PLCB4: variants seen among roughly 807,000 people sequenced by gnomAD.
PLCB4 encodes the protein phospholipase C beta 4.
A neutral mutation model predicts 178.8 loss-of-function variants in PLCB4; 77 were observed. The ratio of observed to expected loss-of-function variants is 0.43; its 90% confidence interval spans 0.36 to 0.52. The LOEUF is 0.52. Ranked by LOEUF, PLCB4 falls within the 20% of genes least tolerant of loss-of-function variation. PLCB4 has a pLI of 0.00. For synonymous variants in PLCB4, 496 were observed against 490.8 expected (o/e 1.01, Z -0.14); for missense variants, 1,024 against 1,453.4 (o/e 0.70, Z 4.80).
At chr20:9,438,539 A>AT (rs2041921699) in intron 30 of PLCB4, among the ~76,000 whole-genome samples, 1 of 152,090 alleles carries the variant, frequency 6.6e-6, no homozygotes, top group African/African-American at 2.4e-5. Flanking sequence ...AAGGAAGATG[A>AT]TTTTGGTTCT....
intron 3 of PLCB4, among the ~76,000 whole-genome samples, chr20:9,255,564 C>A (rs1292034108): frequency 6.8e-6 from 1 of 146,652 alleles, no homozygotes; most frequent in Non-Finnish European, 1.5e-5. Flanking sequence ...AATTTAATGG[C>A]AAAATCATGC....
chr20:9,439,863 G>A (rs1481446103), intron 30 of PLCB4, among the ~76,000 whole-genome samples: 1 of 152,226 alleles, frequency 6.6e-6, no homozygotes, highest in Non-Finnish European at 1.5e-5. Flanking sequence ...GTTGGCTATT[G>A]ATGTGTAACA....
At chr20:9,191,089 G>A (rs4816126) in intron 2 of PLCB4, among the ~76,000 whole-genome samples, 72,062 of 152,052 alleles carry the variant, frequency 0.47, 17,671 homozygotes, top group African/African-American at 0.61. Context: ...ACATTTCAAA[G>A]CAGAGACAGT....
chr20:9,456,470 G>C (rs2043063377), intron 33 of PLCB4, among the ~76,000 whole-genome samples: 1 of 152,204 alleles, frequency 6.6e-6, no homozygotes, highest in African/African-American at 2.4e-5. Context: ...CGAATATAAA[G>C]AAGGTTGATG....
At chr20:9,378,899 C>G (rs547063688) in intron 12 of PLCB4, among the ~76,000 whole-genome samples, 1 of 152,178 alleles carries the variant, frequency 6.6e-6, no homozygotes, top group East Asian at 1.9e-4. Context: ...TTTTCCAATG[C>G]CCATTCCAAA....
intron 1 of PLCB4, among the ~76,000 whole-genome samples, chr20:9,079,862 A>T (rs541474343): frequency 6.6e-6 from 1 of 152,152 alleles, no homozygotes; most frequent in East Asian, 1.9e-4. Context: ...GGAAGGGATT[A>T]TGCTTTATGC....
At chr20:9,074,807 TAAACAAAACAAAACAAAACAAAA>T (rs1156971177) in intron 1 of PLCB4, among the ~76,000 whole-genome samples, 5 of 123,440 alleles carry the variant, frequency 4.1e-5, no homozygotes, top group African/African-American at 6.5e-5. Context: ...TTTTTTTTTT[TAAACAAAACAAAACAAAACAAAA>T]CAAAACAAAA....
Position 9,459,915 on chromosome 20 carries a change from A to G in PLCB4, c.3248+105A>G, listed in dbSNP as rs2043286962. On this transcript the variant is annotated intron_variant, in intron 35 of 39. Coordinates refer to ENST00000378473, the MANE Select transcript of PLCB4 (RefSeq NM_001377142.1). The stretch of plus-strand genomic sequence containing the variant: ...GTAATAAGTGAAATCAATTTGACGT[A>G]CAACATGTAGCTCTTTTGTGTATCT... 4.3e-6 allele frequency: 3 copies of G among 696,950 alleles called. No homozygotes were observed. The Admixed American group carries it at 7.9e-5, about 18-fold the overall frequency. The allele number at this position is 696,950 out of a possible 1,614,324, so 43.2% of individuals were successfully genotyped here.
chr20:9,180,429 C>T (rs1377040727), intron 2 of PLCB4, among the ~76,000 whole-genome samples: 1 of 152,138 alleles, frequency 6.6e-6, no homozygotes, highest in African/African-American at 2.4e-5. Context: ...CTGAATTCTG[C>T]AAATTGGGGC....
At chr20:9,202,851 A>G (rs578023019) in intron 2 of PLCB4, among the ~76,000 whole-genome samples, 1 of 152,070 alleles carries the variant, frequency 6.6e-6, no homozygotes, top group East Asian at 1.9e-4. Flanking sequence ...TGTTTTCAAT[A>G]TGGTACCTGT....
At chr20:9,096,370 A>G (rs1357135691) in intron 2 of PLCB4, 28 bp downstream of exon 2, 3 of 152,164 alleles carry the variant, frequency 2.0e-5, no homozygotes, top group African/African-American at 7.2e-5. Flanking sequence ...TTAATTTGTG[A>G]CTAAAAAAAT....
intron 3 of PLCB4, among the ~76,000 whole-genome samples, chr20:9,265,519 C>T (rs565157961): frequency 1.3e-5 from 2 of 151,998 alleles, no homozygotes; most frequent in East Asian, 1.9e-4. Flanking sequence ...AACAAGCAAC[C>T]GATGACCAGC....
intron 4 of PLCB4, among the ~76,000 whole-genome samples, chr20:9,319,856 T>G (rs1047789882): frequency 1.2e-4 from 18 of 152,108 alleles, no homozygotes; most frequent in African/African-American, 4.1e-4. Context: ...CTTAGCCCAG[T>G]CAAGTTGACA....
chr20:9,144,701 G>A (rs28754416), intron 2 of PLCB4, among the ~76,000 whole-genome samples: 34 of 78,914 alleles, frequency 4.3e-4, no homozygotes, highest in African/African-American at 1.7e-3. Flanking sequence ...GGAGGGGAAG[G>A]AGGGGAAGAA....
At chr20:9,357,133 T>C (rs775396025) in intron 7 of PLCB4, among the ~76,000 whole-genome samples, 1 of 152,086 alleles carries the variant, frequency 6.6e-6, no homozygotes, top group Non-Finnish European at 1.5e-5. Flanking sequence ...AATAGAAAAG[T>C]AAAACAAGAA....
At position 9,114,320 on chromosome 20, in the gene PLCB4, A is replaced by G. The variant is rs6056407; in HGVS notation, c.-79+17978A>G. Among the ~76,000 whole-genome samples the G allele has an allele frequency of 3.1e-3, 465 of 152,250 alleles. 2 individuals are homozygous for G. The highest frequency in any genetic ancestry group is 0.01 in the African/African-American group (418 of 41,568). ...TAAGGTGTTCAGAGGGGTGGTGCTG[A>G]TGCTAGGAACGGAGAAGACAAAGTA... is the stretch of plus-strand genomic sequence containing the variant. On this transcript the variant is annotated intron_variant, in intron 2 of 39. Transcript: ENST00000378473.
At chr20:9,200,116 G>A (rs1025696727) in intron 2 of PLCB4, among the ~76,000 whole-genome samples, 17 of 148,246 alleles carry the variant, frequency 1.1e-4, no homozygotes, top group African/African-American at 3.3e-4. Context: ...TCAGTTTCCC[G>A]TTTTTCACTC....
chr20:9,200,661 G>A (rs756497905), intron 2 of PLCB4, among the ~76,000 whole-genome samples: 6 of 152,002 alleles, frequency 3.9e-5, no homozygotes, highest in African/African-American at 7.3e-5. Flanking sequence ...TTCCAGCTAC[G>A]TTGGTCTCTT....
At chr20:9,187,384 C>T (rs997153598) in intron 2 of PLCB4, among the ~76,000 whole-genome samples, 1 of 152,164 alleles carries the variant, frequency 6.6e-6, no homozygotes, top group African/African-American at 2.4e-5. Context: ...CTGCTGAGGA[C>T]CCTAATGACA....
Sources: gnomAD v4.1 joint callset for allele counts (sites outside exome capture counted in the v4.1 genomes callset) on GRCh38, gnomAD v4.1.1 for gene constraint, MANE v1.5 for transcripts, NCBI Gene and HGNC (gene_info 2026-07-23, HGNC 2026-07-21) for gene names.